TRAF6: variants seen among roughly 807,000 people sequenced by gnomAD.
TRAF6 encodes TNF receptor-associated factor 6.
In TRAF6, 10 loss-of-function variants were observed where a neutral mutation model predicts 48.4. The ratio of observed to expected loss-of-function variants is 0.21; its 90% CI spans 0.13 to 0.35. The LOEUF is 0.35. Among genes scored for constraint, TRAF6 ranks in the 10% least tolerant of loss-of-function variants. The pLI, the probability that TRAF6 is intolerant of heterozygous loss-of-function variation, is 1.00. For missense variants in TRAF6, 397 were observed against 661.0 expected (o/e 0.60, Z 4.38); for synonymous variants, 186 against 219.6 (o/e 0.85, Z 1.35).
chr11:36,493,645 TCA>T (rs1308008955), intron 5 of TRAF6, among the ~76,000 whole-genome samples: 18 of 152,244 alleles, frequency 1.2e-4, no homozygotes, highest in African/African-American at 3.9e-4. Context: ...ACAGTTAAAA[TCA>T]CAGTTTAAAC....
intron 4 of TRAF6, among the ~76,000 whole-genome samples, 175 bp downstream of exon 4, chr11:36,496,933 T>C (rs370336176): frequency 6.6e-6 from 1 of 152,246 alleles, no homozygotes; most frequent in African/African-American, 2.4e-5. Context: ...TCTACACTTA[T>C]GTACTAAAAT....
At chr11:36,492,127 A>G (rs1859572049) in intron 6 of TRAF6, among the ~76,000 whole-genome samples, 1 of 152,168 alleles carries the variant, frequency 6.6e-6, no homozygotes, top group Admixed American at 6.6e-5. Flanking sequence ...CTTGACGGTC[A>G]TCGCCATAAT....
At chr11:36,499,302 T>C (rs1358032793) in intron 2 of TRAF6, among the ~76,000 whole-genome samples, 2 of 152,210 alleles carry the variant, frequency 1.3e-5, no homozygotes, top group Non-Finnish European at 2.9e-5. Context: ...TGGGATTGTA[T>C]TGAGATGCAC....
At position 36,487,961 on chromosome 11, in the gene TRAF6, G is replaced by A. The variant is rs766453342; in HGVS notation, c.*1877C>T. On this transcript the variant is annotated 3_prime_UTR_variant, in exon 7 of 7. Coordinates refer to ENST00000526995, the MANE Select transcript of TRAF6 (RefSeq NM_004620.4). The stretch of plus-strand genomic sequence containing the variant: ...GAAAATGTAAAAAATATAAGCAAGC[G>A]CAAAGGAAAATAAGCCAACAAAAAG... 4 of 152,064 alleles carry A rather than the reference G, an allele frequency of 2.6e-5. No homozygotes were observed. The highest frequency in any genetic ancestry group is 6.6e-5 in the Admixed American group (1 of 15,252). 9.4% of individuals were successfully genotyped at this position (152,064 alleles called of 1,614,324 possible). A position where few individuals can be genotyped will look rare whatever the true frequency, so the allele number is the denominator to read the frequency against.
At chr11:36,509,100 A>AT (rs1289764958) in intron 1 of TRAF6, among the ~76,000 whole-genome samples, 1 of 152,212 alleles carries the variant, frequency 6.6e-6, no homozygotes, top group Admixed American at 6.5e-5. Flanking sequence ...TAATCAAAGG[A>AT]GAATGAATGA....
At chr11:36,506,055 A>G (rs1859779964) in intron 1 of TRAF6, among the ~76,000 whole-genome samples, 1 of 152,194 alleles carries the variant, frequency 6.6e-6, no homozygotes, top group African/African-American at 2.4e-5. Flanking sequence ...TGACAGACAA[A>G]TACAAAGTGA....
Position 36,489,470 on chromosome 11 carries a change from A to AT in TRAF6, c.*367_*368insA. On this transcript the variant is annotated 3_prime_UTR_variant, in exon 7 of 7. Transcript: ENST00000526995. The stretch of plus-strand genomic sequence containing the variant: ...AATACTACAAAAAGACTGAAGTTTT[A>AT]AGGAAAATCCATTATTATTAAAAGT... The AT allele has an allele frequency of 5.0e-6, 1 of 201,562 alleles. No homozygotes were observed. 12.5% of individuals were successfully genotyped at this position (201,562 alleles called of 1,614,324 possible). A position where few individuals can be genotyped will look rare whatever the true frequency, so the allele number is the denominator to read the frequency against.
At position 36,501,449 on chromosome 11, in the gene TRAF6, T is replaced by C. The variant is rs747559755; in HGVS notation, c.67A>G (p.Met23Val). The change falls in exon 2 of 7, where the codon ATG (methionine) becomes GTG (valine). Residue 23 changes from methionine (M) to valine (V), a missense_variant. By Grantham distance (21) the Met-to-Val change is conservative. Transcript: ENST00000526995. ...GTTACAGCGCTACAGGAGCTGGCCA[T>C]GGCCACACAGCAGTCACTTTCAGAC... ...SQSESDCCVA[M>V]ASSCSAVTKD... 2 of 1,614,142 alleles carry C rather than the reference T, an allele frequency of 1.2e-6. No individual in the cohort carries two copies. Among genetic ancestry groups the C allele is most frequent in the East Asian group, 2.2e-5 (1 of 44,890 alleles).
chr11:36,485,407 T>C lies in TRAF6; in HGVS notation c.*4431A>G, dbSNP rs941036184. ...CATCCCCATTCCACACAGTTTACCT[T>C]CTCCTGGGGACTTGCATAGAAGAGA... On this transcript the variant is annotated 3_prime_UTR_variant, in exon 7 of 7. Transcript: ENST00000526995. Among the ~76,000 whole-genome samples, 1 of 152,084 alleles carries C rather than the reference T, an allele frequency of 6.6e-6. No homozygotes were observed. Among genetic ancestry groups the C allele is most frequent in the Non-Finnish European group, 1.5e-5 (1 of 68,018 alleles).
intron 1 of TRAF6, among the ~76,000 whole-genome samples, chr11:36,507,866 T>A (rs1392256312): frequency 2.8e-5 from 4 of 142,262 alleles, no homozygotes; most frequent in Admixed American, 7.1e-5. Context: ...ATACACACAC[T>A]TTTTTTTTTG....
chr11:36,495,030 A>G lies in TRAF6; in HGVS notation c.624T>C (p.Cys208=), dbSNP rs779657874. The G allele has an allele frequency of 1.2e-6, 2 of 1,605,384 alleles. No individual in the cohort carries two copies. Among genetic ancestry groups the G allele is most frequent in the South Asian group, 2.2e-5 (2 of 90,596 alleles). The change falls in exon 5 of 7, where the codon TGT becomes TGC. Residue 208 remains cysteine (C), a synonymous_variant. Coordinates refer to ENST00000526995, the MANE Select transcript of TRAF6 (RefSeq NM_004620.4). Reference sequence around the variant, plus strand: ...ATTCACAGATGACATTTGCCAAAGGACAGTTCTGGTCATGGATCTGAATTT... The same window carrying G: ...ATTCACAGATGACATTTGCCAAAGGGCAGTTCTGGTCATGGATCTGAATTT... ...FEDKEIHDQN[C]PLANVICEYC... is the part of the protein sequence containing the mutation.
rs1859506636 is a variant in TRAF6 at position 36,487,854 on chromosome 11, T to G, written c.*1984A>C. On this transcript the variant is annotated 3_prime_UTR_variant, in exon 7 of 7. Coordinates refer to ENST00000526995, the MANE Select transcript of TRAF6 (RefSeq NM_004620.4). ...AGGAAGCTTTTAAATATCATTTCCT[T>G]TTTTGAGCTGGGGGCGTGGAGATTA... The G allele has an allele frequency of 6.6e-6, 1 of 152,194 alleles. No individual in the cohort carries two copies. The highest frequency in any genetic ancestry group is 2.4e-5 in the African/African-American group (1 of 41,436). 9.4% of individuals were successfully genotyped at this position (152,194 alleles called of 1,614,324 possible). A position where few individuals can be genotyped will look rare whatever the true frequency, so the allele number is the denominator to read the frequency against.
In TRAF6 at chr11:36,497,211, G is replaced by T; in HGVS notation, c.503C>A (p.Pro168His). The change falls in exon 4 of 7, where the codon CCC becomes CAC. Residue 168 changes from proline (P) to histidine (H), a missense_variant. By Grantham distance (77) the Pro-to-His change is moderately conservative (BLOSUM62 -2). Transcript: ENST00000526995. ...ALMDCPQCQR[P>H]FQKFHINIHI... is the part of the protein sequence containing the mutation. The stretch of plus-strand genomic sequence containing the variant: ...AATATTAATATGGAATTTTTGGAAG[G>T]GACGCTGGCATTGGGGACAATCCAT... 1 of 1,613,840 alleles carries T rather than the reference G, an allele frequency of 6.2e-7. No individual in the cohort carries two copies. Among genetic ancestry groups the T allele is most frequent in the South Asian group, 1.1e-5 (1 of 91,054 alleles).
At position 36,498,619 on chromosome 11, in the gene TRAF6, T is replaced by C. The variant is rs375146862; in HGVS notation, c.318A>G (p.Pro106=). The C allele has an allele frequency of 5.0e-6, 8 of 1,612,642 alleles. No homozygotes were observed. The African/African-American group carries it at 8.0e-5, about 16-fold the overall frequency. Residue 106 remains proline (P), a synonymous_variant, in exon 3 of 7, where the codon CCA becomes CCG. Transcript: ENST00000526995. ...TTTCCAGCAGTATTTCATTGTCAAC[T>C]GGACATTTGTGACCTGCATCCCTAA... ...KSIRDAGHKC[P]VDNEILLENQ...
intron 1 of TRAF6, among the ~76,000 whole-genome samples, chr11:36,506,653 T>C (rs1392150062): frequency 1.3e-5 from 2 of 152,222 alleles, no homozygotes; most frequent in Non-Finnish European, 2.9e-5. Context: ...AGACCTTTTA[T>C]AGCTAATGTG....
Position 36,490,721 on chromosome 11 carries a change from C to G in TRAF6, c.757-71G>C. The G allele has an allele frequency of 7.1e-7, 1 of 1,414,118 alleles. No homozygotes were observed. Among genetic ancestry groups the G allele is most frequent in the Non-Finnish European group, 9.6e-7 (1 of 1,045,150 alleles). 87.6% of individuals were successfully genotyped at this position (1,414,118 alleles called of 1,614,324 possible). On this transcript the variant is annotated intron_variant, in intron 6 of 6. Transcript: ENST00000526995. The surrounding 1 kb of genome is among the most constrained non-coding windows in gnomAD (Gnocchi z 6.4). Reference sequence around the variant, plus strand: ...GAGTAGGAAAAGGACCTGGCCAGGTCAAATAAGAAGTTTTCAAGTAGTCAC... The same window carrying G: ...GAGTAGGAAAAGGACCTGGCCAGGTGAAATAAGAAGTTTTCAAGTAGTCAC...
At position 36,489,747 on chromosome 11, in the gene TRAF6, C is replaced by G; in HGVS notation, c.*91G>C. 7.6e-7 allele frequency: 1 copy of G among 1,307,760 alleles called. No individual in the cohort carries two copies. Among genetic ancestry groups the G allele is most frequent in the South Asian group, 1.4e-5 (1 of 70,798 alleles). 81.0% of individuals were successfully genotyped at this position (1,307,760 alleles called of 1,614,324 possible). A position where few individuals can be genotyped will look rare whatever the true frequency, so the allele number is the denominator to read the frequency against. ...CTCACTAGTAGATATTACATATTTC[C>G]CGTGGCTTGTTTGTTTGCATGTTAT... is the stretch of plus-strand genomic sequence containing the variant. On this transcript the variant is annotated 3_prime_UTR_variant, in exon 7 of 7. Transcript: ENST00000526995.
intron 1 of TRAF6, among the ~76,000 whole-genome samples, chr11:36,509,815 G>A (rs1053149439): frequency 6.6e-6 from 1 of 151,300 alleles, no homozygotes; most frequent in Non-Finnish European, 1.5e-5. Context: ...CGACCAGCGG[G>A]AAGCGAGAGG....
In TRAF6 at chr11:36,495,272, G is replaced by C. The variant is rs76834869; in HGVS notation, c.607-225C>G. 0.013 allele frequency among the ~76,000 whole-genome samples: 2,018 copies of C among 152,230 alleles called. 32 individuals are homozygous for C. The highest frequency in any genetic ancestry group is 0.07 in the East Asian group (360 of 5,174). On this transcript the variant is annotated intron_variant, in intron 4 of 6. Transcript: ENST00000526995. ...CTTTCCAGCTCTTTAAAAGAGCAGG[G>C]TAGTATATAAAAAATAATTTTTCAA...
Sources: gnomAD v4.1 joint callset for allele counts (sites outside exome capture counted in the v4.1 genomes callset) on GRCh38, gnomAD v4.1.1 for gene constraint, Gnocchi (gnomAD v3.1) non-coding constraint, MANE v1.5 for transcripts, NCBI Gene and HGNC (gene_info 2026-07-23, HGNC 2026-07-21) for gene names.